ZNF438: variants seen among roughly 807,000 people sequenced by gnomAD.
ZNF438 encodes the protein zinc finger protein 438.
A neutral mutation model predicts 38.0 loss-of-function variants in ZNF438; 25 were observed. The observed-to-expected ratio is 0.66, with a 90% CI of 0.48 to 0.92. The LOEUF (loss-of-function observed/expected upper bound fraction) is 0.92. ZNF438 is among the 40% of genes least tolerant of loss of function. The probability of loss-of-function intolerance (pLI) is 0.00; values close to 1 mark genes in which losing one functional copy is unlikely to be tolerated. For synonymous variants in ZNF438, 372 were observed against 364.1 expected, an observed-to-expected ratio of 1.02 and a Z score of -0.25; for missense variants, 1,007 against 999.6, an observed-to-expected ratio of 1.01 and a Z score of -0.10.
At position 30,880,008 on chromosome 10, in the gene ZNF438, G is replaced by C. The variant is rs377061137; in HGVS notation, c.-31-2943C>G. ...CACGAGAAACATGAAAACATATTAA[G>C]GTATATCATTGCCAAACTGCTCAAA... On this transcript the variant is annotated intron_variant, in intron 3 of 5. Coordinates refer to ENST00000413025, the Ensembl canonical transcript of ZNF438. 7.9e-5 allele frequency among the ~76,000 whole-genome samples: 12 copies of C among 151,754 alleles called. No homozygotes were observed. In the East Asian group the frequency reaches 2.1e-3, roughly 27 times the overall value.
chr10:30,876,616 A>AAT (rs2038463272), intron 4 of ZNF438, among the ~76,000 whole-genome samples: 2 of 152,196 alleles, frequency 1.3e-5, no homozygotes, highest in Admixed American at 1.3e-4. Context: ...TGTGTGTGTG[A>AAT]ATATATATGC....
At chr10:31,007,166 G>C (rs2055216349) in intron 1 of ZNF438, among the ~76,000 whole-genome samples, 7 of 152,130 alleles carry the variant, frequency 4.6e-5, no homozygotes, top group Admixed American at 4.6e-4. Context: ...TAAGCCTTCA[G>C]GGAGAAGGGA....
intron 1 of ZNF438, among the ~76,000 whole-genome samples, chr10:30,990,284 G>C (rs977193979): frequency 6.6e-6 from 1 of 151,682 alleles, no homozygotes; most frequent in Non-Finnish European, 1.5e-5. Flanking sequence ...ATATTCCAAT[G>C]AATAAATGAA....
chr10:30,890,034 G>A (rs2040476031), intron 3 of ZNF438, among the ~76,000 whole-genome samples: 2 of 137,548 alleles, frequency 1.5e-5, no homozygotes, highest in Non-Finnish European at 1.5e-5. Flanking sequence ...TGTTAATAAA[G>A]TTCTCCAGAA....
intron 1 of ZNF438, among the ~76,000 whole-genome samples, chr10:31,009,876 C>T (rs1303319612): frequency 1.5e-5 from 2 of 132,798 alleles, no homozygotes; most frequent in African/African-American, 5.7e-5. Flanking sequence ...GATGGAGTCT[C>T]ACTCTGTCAC....
At chr10:30,913,806 C>T (rs2043308940) in intron 2 of ZNF438, among the ~76,000 whole-genome samples, 1 of 152,074 alleles carries the variant, frequency 6.6e-6, no homozygotes, top group African/African-American at 2.4e-5. Flanking sequence ...GAACAAGGAA[C>T]TTCTCTTGTA....
intron 1 of ZNF438, among the ~76,000 whole-genome samples, chr10:31,013,010 A>G (rs561476010): frequency 6.6e-6 from 1 of 152,250 alleles, no homozygotes; most frequent in African/African-American, 2.4e-5. Flanking sequence ...CCCAGACTAG[A>G]GATCACTGTT....
chr10:30,976,206 G>A (rs1282849233), intron 1 of ZNF438, among the ~76,000 whole-genome samples: 2 of 151,996 alleles, frequency 1.3e-5, no homozygotes, highest in African/African-American at 4.8e-5. Context: ...ACAAAAAGCT[G>A]AAAAGATCAA....
At chr10:31,018,119 C>A (rs981042394) in intron 1 of ZNF438, among the ~76,000 whole-genome samples, 4 of 152,144 alleles carry the variant, frequency 2.6e-5, no homozygotes, top group Admixed American at 2.0e-4. Context: ...CACTGTCAGG[C>A]CAAGAAAATC....
intron 3 of ZNF438, among the ~76,000 whole-genome samples, chr10:30,886,773 A>G (rs887751981): frequency 1.3e-5 from 2 of 152,254 alleles, no homozygotes; most frequent in South Asian, 4.1e-4. Context: ...ACTAAGGTAC[A>G]TCAGGGACTG....
At chr10:30,982,557 C>A (rs58393169) in intron 1 of ZNF438, among the ~76,000 whole-genome samples, 1 of 152,174 alleles carries the variant, frequency 6.6e-6, no homozygotes, top group East Asian at 1.9e-4. Flanking sequence ...ATTTCCAAGC[C>A]GGACAATTAT....
chr10:30,882,018 A>G (rs985910968), intron 3 of ZNF438, among the ~76,000 whole-genome samples: 1 of 152,198 alleles, frequency 6.6e-6, no homozygotes. Flanking sequence ...GGTATCTTGG[A>G]CATGGCATCT....
intron 2 of ZNF438, among the ~76,000 whole-genome samples, chr10:30,921,902 A>C (rs2044340889): frequency 6.6e-6 from 1 of 152,190 alleles, no homozygotes; most frequent in Non-Finnish European, 1.5e-5. Context: ...CTCACTTCAC[A>C]AAAGAAATGC....
chr10:30,846,724 C>G (rs910033022), intron 5 of ZNF438, among the ~76,000 whole-genome samples: 1 of 152,150 alleles, frequency 6.6e-6, no homozygotes, highest in African/African-American at 2.4e-5. Flanking sequence ...CGCTCCTGCC[C>G]TCCCAGGCAT....
intron 3 of ZNF438, among the ~76,000 whole-genome samples, chr10:30,899,350 G>A (rs1032792733): frequency 6.6e-6 from 1 of 152,128 alleles, no homozygotes; most frequent in African/African-American, 2.4e-5. Context: ...CACATAGACA[G>A]AAGAAAAGGT....
chr10:31,001,794 T>C (rs1408699474), intron 1 of ZNF438, among the ~76,000 whole-genome samples: 1 of 152,208 alleles, frequency 6.6e-6, no homozygotes, highest in African/African-American at 2.4e-5. Context: ...TTTAGTTCAA[T>C]AGTTATTGAA....
intron 1 of ZNF438, among the ~76,000 whole-genome samples, chr10:31,007,583 T>C (rs1218657300): frequency 6.6e-6 from 1 of 152,206 alleles, no homozygotes; most frequent in African/African-American, 2.4e-5. Flanking sequence ...CCCGGCCAGA[T>C]CTTTTGTTTT....
chr10:30,873,892 A>G (rs1004407581), intron 4 of ZNF438, among the ~76,000 whole-genome samples: 1 of 152,100 alleles, frequency 6.6e-6, no homozygotes, highest in Admixed American at 6.6e-5. Context: ...TGAATTTTAT[A>G]CAGAAATGCA....
At chr10:30,904,119 T>C (rs917523208) in intron 3 of ZNF438, among the ~76,000 whole-genome samples, 5 of 152,188 alleles carry the variant, frequency 3.3e-5, no homozygotes, top group African/African-American at 1.2e-4. Context: ...CCAAAATTTG[T>C]ACTCTCCCCA....
Sources: gnomAD v4.1 joint callset for allele counts (sites outside exome capture counted in the v4.1 genomes callset) on GRCh38, gnomAD v4.1.1 for gene constraint, MANE v1.5 for transcripts, NCBI Gene and HGNC (gene_info 2026-07-23, HGNC 2026-07-21) for gene names.